The following ADGRB1 variants were observed in gnomAD, a reference collection of about 807,000 sequenced individuals.
ADGRB1 encodes brain-specific angiogenesis inhibitor 1.
Under a neutral mutation model 175.7 loss-of-function variants are expected in ADGRB1, and 36 were observed. The observed-to-expected ratio is 0.20, with a 90% CI of 0.16 to 0.27. The LOEUF is 0.27. Among genes scored for constraint, ADGRB1 ranks in the 10% least tolerant of loss-of-function variants. ADGRB1 has a pLI of 1.00. For missense variants in ADGRB1, 1,731 were observed against 2,255.3 expected (o/e 0.77, Z 4.71); for synonymous variants, 1,054 against 979.4 (o/e 1.08, Z -1.42).
chr8:142,518,858 T>A (rs532037184), intron 19 of ADGRB1, among the ~76,000 whole-genome samples: 11 of 152,222 alleles, frequency 7.2e-5, no homozygotes, highest in Non-Finnish European at 1.5e-4. Flanking sequence ...GGTCACTCAC[T>A]GCCCATGGGG....
chr8:142,489,789 G>A (rs979499185), intron 16 of ADGRB1, among the ~76,000 whole-genome samples: 2 of 152,128 alleles, frequency 1.3e-5, no homozygotes, highest in Non-Finnish European at 2.9e-5. Context: ...GAAGCTGGGG[G>A]TGTAAGTACA....
chr8:142,534,801 G>A (rs543204513), intron 25 of ADGRB1, among the ~76,000 whole-genome samples: 86 of 152,338 alleles, frequency 5.6e-4, no homozygotes, highest in Non-Finnish European at 7.1e-4. Context: ...GGGAGAAGCC[G>A]CTCACCCTGG....
At position 142,510,895 on chromosome 8, in the gene ADGRB1, T is replaced by C. The variant is rs1843064163; in HGVS notation, c.2676-37T>C. On this transcript the variant is annotated intron_variant, in intron 17 of 30. Coordinates refer to ENST00000517894, the MANE Select transcript of ADGRB1 (RefSeq NM_001702.3). The surrounding 1 kb of genome is among the most constrained non-coding windows in gnomAD (Gnocchi z 6.3). Reference sequence around the variant, plus strand: ...CCCGCGTCCCCGCCGCCGCTGACGCTCCGCCTGTCTCCCTCCCGTGTCCCG... The same window carrying C: ...CCCGCGTCCCCGCCGCCGCTGACGCCCCGCCTGTCTCCCTCCCGTGTCCCG... 2 of 1,040,378 alleles carry C rather than the reference T, an allele frequency of 1.9e-6. No homozygotes were observed. The highest frequency in any genetic ancestry group is 2.3e-6 in the Non-Finnish European group (2 of 862,960). The allele number at this position is 1,040,378 out of a possible 1,614,324, so 64.4% of individuals were successfully genotyped here.
At chr8:142,485,080 G>T (rs1841594857) in intron 13 of ADGRB1, among the ~76,000 whole-genome samples, 1 of 152,248 alleles carries the variant, frequency 6.6e-6, no homozygotes, top group Non-Finnish European at 1.5e-5. Context: ...GAGCTTTAGA[G>T]GCAGGGGCTG....
At chr8:142,499,793 G>T (rs1842402661) in intron 17 of ADGRB1, among the ~76,000 whole-genome samples, 1 of 152,216 alleles carries the variant, frequency 6.6e-6, no homozygotes, top group Non-Finnish European at 1.5e-5. Context: ...GGGCGTGCAA[G>T]GAGAGGGCCG....
Position 142,499,927 on chromosome 8 carries a change from C to G in ADGRB1, c.2675+9112C>G, listed in dbSNP as rs1048279112. 2.2e-4 allele frequency among the ~76,000 whole-genome samples: 33 copies of G among 151,282 alleles called. 1 individual carries two copies. In the East Asian group the frequency reaches 6.3e-3, roughly 29 times the overall value. ...GGTCACAGCAGGCTTATGGGTTGGG[C>G]CCAAGTGGAGCGACCCCTCAATGCC... On this transcript the variant is annotated intron_variant, in intron 17 of 30. Transcript: ENST00000517894.
At chr8:142,465,100 C>G in intron 2 of ADGRB1, 118 bp downstream of exon 2, 7 of 189,200 alleles carry the variant, frequency 3.7e-5, no homozygotes, top group South Asian at 5.2e-5. Context: ...GGCGGGCAGG[C>G]GGAGGTGGGT....
chr8:142,461,588 T>TCCTG (rs1490323095), intron 1 of ADGRB1, among the ~76,000 whole-genome samples: 1 of 152,090 alleles, frequency 6.6e-6, no homozygotes. Flanking sequence ...ACACCCCAGC[T>TCCTG]CCTGTGCCTG....
At chr8:142,487,869 C>A (rs972274604) in intron 13 of ADGRB1, among the ~76,000 whole-genome samples, 3 of 152,220 alleles carry the variant, frequency 2.0e-5, no homozygotes, top group South Asian at 2.1e-4. Flanking sequence ...CCCTTTGATG[C>A]CTGAGCCCTG....
Position 142,538,942 on chromosome 8 carries a change from C to T in ADGRB1, c.3667-432C>T, listed in dbSNP as rs751320928. Among the ~76,000 whole-genome samples the T allele has an allele frequency of 4.6e-5, 7 of 152,270 alleles. No homozygotes were observed. In the South Asian group the frequency reaches 8.3e-4, roughly 18 times the overall value. On this transcript the variant is annotated intron_variant, in intron 26 of 30. Transcript: ENST00000517894. Reference sequence around the variant, plus strand: ...AAGCAGGAGGTCATCAGCTCCCAGACGCCTTGGAGAGAGCACACATGTGTG... The same window carrying T: ...AAGCAGGAGGTCATCAGCTCCCAGATGCCTTGGAGAGAGCACACATGTGTG...
Position 142,537,090 on chromosome 8 carries a change from T to A in ADGRB1, c.3666+8T>A. ...GGCCACGCCCAGCTCATGGTAGGACTCAGGGCCCGGGGACTCAGGCTGCCC... is the reference window on the plus strand; with the variant it reads ...GGCCACGCCCAGCTCATGGTAGGACACAGGGCCCGGGGACTCAGGCTGCCC... On this transcript the variant is annotated splice_region_variant and intron_variant, in intron 26 of 30. Transcript: ENST00000517894. This position sits in a 1 kb window ranked among gnomAD's most constrained non-coding sequence, Gnocchi z 4.6. 6.6e-7 allele frequency: 1 copy of A among 1,504,226 alleles called. No homozygotes were observed. Among genetic ancestry groups the A allele is most frequent in the Non-Finnish European group, 8.9e-7 (1 of 1,123,756 alleles). 93.2% of individuals were successfully genotyped at this position (1,504,226 alleles called of 1,614,324 possible).
intron 18 of ADGRB1, among the ~76,000 whole-genome samples, chr8:142,517,819 G>A (rs1843532406): frequency 6.6e-6 from 1 of 152,220 alleles, no homozygotes; most frequent in Admixed American, 6.5e-5. Context: ...TGTGGGGCTG[G>A]CGCCTGCCTG....
At chr8:142,527,278 G>T (rs10283377) in intron 24 of ADGRB1, among the ~76,000 whole-genome samples, 31,783 of 152,138 alleles carry the variant, frequency 0.21, 3,932 homozygotes, top group East Asian at 0.35. Flanking sequence ...AGCCCCTCTT[G>T]GTCCTCCCGC....
chr8:142,487,686 C>T (rs1326276260), intron 13 of ADGRB1, among the ~76,000 whole-genome samples: 2 of 152,214 alleles, frequency 1.3e-5, no homozygotes, highest in African/African-American at 4.8e-5. Flanking sequence ...ACTCTCTTCC[C>T]GTCCAGTTGC....
intron 11 of ADGRB1, 53 bp from the exon 12 acceptor site, chr8:142,483,924 G>T (rs146369800): frequency 1.9e-6 from 3 of 1,571,382 alleles, no homozygotes; most frequent in Admixed American, 3.4e-5. Context: ...CACAGTGAAC[G>T]GTGATTTTGT....
In ADGRB1 at chr8:142,533,376, C is replaced by T. The variant is rs1587431965; in HGVS notation, c.3480C>T (p.Arg1160=). Reference sequence around the variant, plus strand: ...CGGCTGTGCTCGCCGTCACCGACCGCCGCTCCGCCCTCTTCCAGATCCTCT... The same window carrying T: ...CGGCTGTGCTCGCCGTCACCGACCGTCGCTCCGCCCTCTTCCAGATCCTCT... The part of the protein sequence containing the change: ...WMSAVLAVTD[R]RSALFQILFA... Residue 1160 remains arginine (R), a synonymous_variant, in exon 25 of 31, where the codon CGC becomes CGT. Transcript: ENST00000517894. The T allele has an allele frequency of 6.2e-7, 1 of 1,609,470 alleles. No individual in the cohort carries two copies. The highest frequency in any genetic ancestry group is 8.5e-7 in the Non-Finnish European group (1 of 1,178,764).
chr8:142,510,368 T>G lies in ADGRB1; in HGVS notation c.2676-564T>G. Among the ~76,000 whole-genome samples the G allele has an allele frequency of 6.8e-6, 1 of 147,916 alleles. No individual in the cohort carries two copies. Among genetic ancestry groups the G allele is most frequent in the East Asian group, 2.0e-4 (1 of 4,892 alleles). ...CAGGGGTGATGAGGCCCGGGGGAGG[T>G]GGATGTGGGGGATGGAGCGGTCCCA... is the stretch of plus-strand genomic sequence containing the variant. On this transcript the variant is annotated intron_variant, in intron 17 of 30. Transcript: ENST00000517894. This position sits in a 1 kb window ranked among gnomAD's most constrained non-coding sequence, Gnocchi z 6.3.
chr8:142,532,426 G>A (rs1157740255), intron 24 of ADGRB1, among the ~76,000 whole-genome samples: 1 of 152,218 alleles, frequency 6.6e-6, no homozygotes, highest in African/African-American at 2.4e-5. Flanking sequence ...TGGGCTGCAG[G>A]GGCGAGGGCT....
At position 142,511,087 on chromosome 8, in the gene ADGRB1, C is replaced by A. The variant is rs949807241; in HGVS notation, c.2817+14C>A. 1.8e-6 allele frequency: 2 copies of A among 1,105,212 alleles called. No homozygotes were observed. The highest frequency in any genetic ancestry group is 5.5e-5 in the East Asian group (1 of 18,140). The allele number at this position is 1,105,212 out of a possible 1,614,324, so 68.5% of individuals were successfully genotyped here. ...AGCGCCGACGCGGTGAGACCCCGGCCGGGCCGGCGGGAGGGGCGCCGGGCA... is the reference window on the plus strand; with the variant it reads ...AGCGCCGACGCGGTGAGACCCCGGCAGGGCCGGCGGGAGGGGCGCCGGGCA... On this transcript the variant is annotated intron_variant, in intron 18 of 30. Coordinates refer to ENST00000517894, the MANE Select transcript of ADGRB1 (RefSeq NM_001702.3). This position sits in a 1 kb window ranked among gnomAD's most constrained non-coding sequence, Gnocchi z 4.5.
Sources: gnomAD v4.1 joint callset for allele counts (sites outside exome capture counted in the v4.1 genomes callset) on GRCh38, gnomAD v4.1.1 for gene constraint, Gnocchi (gnomAD v3.1) non-coding constraint, MANE v1.5 for transcripts, NCBI Gene and HGNC (gene_info 2026-07-23, HGNC 2026-07-21) for gene names.